Variants in CSTF3 observed in about 807,000 individuals in gnomAD.
CSTF3 encodes CF-1 77 kDa subunit.
CSTF3 carries 29 observed loss-of-function variants against 105.8 expected under a neutral mutation model. The ratio of observed to expected loss-of-function variants is 0.27; its 90% CI spans 0.20 to 0.37. The LOEUF (loss-of-function observed/expected upper bound fraction) is 0.37. Ranked by LOEUF, CSTF3 falls within the 10% of genes least tolerant of loss-of-function variation. CSTF3 has a pLI of 1.00. For missense variants in CSTF3, 357 were observed against 879.3 expected, an observed-to-expected ratio of 0.41 and a Z score of 7.51; for synonymous variants, 252 against 281.9, an observed-to-expected ratio of 0.89 and a Z score of 1.06.
intron 12 of CSTF3, 87 bp from the exon 13 acceptor site, chr11:33,098,851 C>A: frequency 8.0e-7 from 1 of 1,249,154 alleles, no homozygotes; most frequent in Non-Finnish European, 1.1e-6. Context: ...GCTATAACCT[C>A]CCACCCCCAA....
At chr11:33,115,154 T>C (rs747831442) in intron 3 of CSTF3, among the ~76,000 whole-genome samples, 3 of 152,196 alleles carry the variant, frequency 2.0e-5, no homozygotes, top group Non-Finnish European at 4.4e-5. Context: ...GTATAGCACA[T>C]AGACTTTCCT....
At chr11:33,086,333 C>T (rs1855104943) in intron 18 of CSTF3, among the ~76,000 whole-genome samples, 1 of 152,054 alleles carries the variant, frequency 6.6e-6, no homozygotes, top group Non-Finnish European at 1.5e-5. Flanking sequence ...GGGCCTTGTT[C>T]AAAAAGAATC....
At chr11:33,146,971 G>A (rs1855791820) in intron 1 of CSTF3, among the ~76,000 whole-genome samples, 1 of 151,992 alleles carries the variant, frequency 6.6e-6, no homozygotes, top group Non-Finnish European at 1.5e-5. Flanking sequence ...TTCAAGAGCA[G>A]CTGAGCAACA....
Position 33,099,842 on chromosome 11 carries a change from T to G in CSTF3, c.827-125A>C. 3 of 541,150 alleles carry G rather than the reference T, an allele frequency of 5.5e-6. No individual in the cohort carries two copies. The highest frequency in any genetic ancestry group is 6.2e-6 in the Non-Finnish European group (2 of 320,300). The allele number at this position is 541,150 out of a possible 1,614,324, so 33.5% of individuals were successfully genotyped here. A position where few individuals can be genotyped will look rare whatever the true frequency, so the allele number is the denominator to read the frequency against. The stretch of plus-strand genomic sequence containing the variant: ...AATGATAATTAGAAATAAAAAGCTT[T>G]AGTGATTTCTGGCACCATCATCCAT... On this transcript the variant is annotated intron_variant, in intron 10 of 20. Transcript: ENST00000323959. This position sits in a 1 kb window ranked among gnomAD's most constrained non-coding sequence, Gnocchi z 4.1.
intron 3 of CSTF3, among the ~76,000 whole-genome samples, chr11:33,131,175 T>A (rs1179430894): frequency 6.6e-6 from 1 of 152,230 alleles, no homozygotes; most frequent in East Asian, 1.9e-4. Context: ...TATGGAAGTA[T>A]GGAGAATAGC....
In CSTF3 at chr11:33,098,776, CAG is replaced by C; in HGVS notation, c.1054-14_1054-13del. 1 of 1,498,010 alleles carries C rather than the reference CAG, an allele frequency of 6.7e-7. No individual in the cohort carries two copies. The highest frequency in any genetic ancestry group is 8.9e-7 in the Non-Finnish European group (1 of 1,125,680). The allele number at this position is 1,498,010 out of a possible 1,614,324, so 92.8% of individuals were successfully genotyped here. Reference sequence around the variant, plus strand: ...TACTTCATGCGACTCTAAGGTGGTACAGAAGAAGTGAGTATCAACATATGGTC... The same window carrying C: ...TACTTCATGCGACTCTAAGGTGGTACAAGAAGTGAGTATCAACATATGGTC... On this transcript the variant is annotated splice_polypyrimidine_tract_variant and intron_variant, in intron 12 of 20. Transcript: ENST00000323959.
chr11:33,103,322 T>C, intron 8 of CSTF3, 138 bp from the exon 9 acceptor site: 1 of 449,264 alleles, frequency 2.2e-6, no homozygotes, highest in Non-Finnish European at 3.8e-6. Flanking sequence ...TTCATACAGC[T>C]CATGAAAAGC....
At chr11:33,119,825 T>A (rs1855469001) in intron 3 of CSTF3, among the ~76,000 whole-genome samples, 1 of 151,826 alleles carries the variant, frequency 6.6e-6, no homozygotes, top group Non-Finnish European at 1.5e-5. Flanking sequence ...ATATGGATAG[T>A]TTATTTCTAT....
chr11:33,111,986 G>A (rs1282739882), intron 3 of CSTF3, among the ~76,000 whole-genome samples: 1 of 152,158 alleles, frequency 6.6e-6, no homozygotes, highest in African/African-American at 2.4e-5. Context: ...AGGCACAGTG[G>A]CTCATGCCTG....
At chr11:33,159,370 C>A (rs952006704) in intron 1 of CSTF3, among the ~76,000 whole-genome samples, 2 of 151,764 alleles carry the variant, frequency 1.3e-5, no homozygotes, top group African/African-American at 4.8e-5. Flanking sequence ...CAGAGGTAGG[C>A]GGATCACTTG....
rs1855636949 is a variant in CSTF3, at chr11:33,134,892, T to A, written c.225+6775A>T. Among the ~76,000 whole-genome samples, 3 of 151,502 alleles carry A rather than the reference T, an allele frequency of 2.0e-5. No homozygotes were observed. The South Asian group carries it at 6.3e-4, about 32-fold the overall frequency. On this transcript the variant is annotated intron_variant, in intron 3 of 20. Coordinates refer to ENST00000323959, the MANE Select transcript of CSTF3 (RefSeq NM_001326.3). Reference sequence around the variant, plus strand: ...TCCCATTCCCCACCACCCAGAAGAATGAGAAGTACCAGCACAACACTCAAG... The same window carrying A: ...TCCCATTCCCCACCACCCAGAAGAAAGAGAAGTACCAGCACAACACTCAAG...
At chr11:33,156,214 G>C (rs1440262017) in intron 1 of CSTF3, among the ~76,000 whole-genome samples, 1 of 152,032 alleles carries the variant, frequency 6.6e-6, no homozygotes, top group Non-Finnish European at 1.5e-5. Flanking sequence ...AAAAATAGGA[G>C]GCAGAAAACT....
At chr11:33,154,717 A>C (rs1849837849) in intron 1 of CSTF3, among the ~76,000 whole-genome samples, 1 of 152,028 alleles carries the variant, frequency 6.6e-6, no homozygotes, top group South Asian at 2.1e-4. Context: ...GGCTGGTCTC[A>C]AACTCCTGAC....
chr11:33,135,428 C>G (rs920327629), intron 3 of CSTF3, among the ~76,000 whole-genome samples: 2 of 152,166 alleles, frequency 1.3e-5, no homozygotes, highest in African/African-American at 4.8e-5. Context: ...ATTCCCAAAA[C>G]TAGCTGCCAG....
intron 1 of CSTF3, among the ~76,000 whole-genome samples, chr11:33,147,530 G>A (rs1855799824): frequency 6.6e-6 from 1 of 151,794 alleles, no homozygotes; most frequent in Non-Finnish European, 1.5e-5. Context: ...AGGAGGCAGA[G>A]GCTGCAGTGA....
At chr11:33,156,950 AC>A in intron 1 of CSTF3, 1 of 272,088 alleles carries the variant, frequency 3.7e-6, no homozygotes, top group South Asian at 3.4e-5. Flanking sequence ...GAAGTTCAAA[AC>A]CCAATGGAAA....
At chr11:33,137,973 C>T (rs1590281749) in intron 3 of CSTF3, among the ~76,000 whole-genome samples, 1 of 151,640 alleles carries the variant, frequency 6.6e-6, no homozygotes, top group Admixed American at 6.6e-5. Flanking sequence ...ATGTTGCATC[C>T]TGAGTTCACT....
At chr11:33,136,171 A>G (rs1855651021) in intron 3 of CSTF3, 1 of 152,470 alleles carries the variant, frequency 6.6e-6, no homozygotes, top group Non-Finnish European at 1.5e-5. Context: ...AGTTGTATTC[A>G]AAGCAAATAT....
chr11:33,097,191 T>A (rs1276559018), intron 13 of CSTF3, among the ~76,000 whole-genome samples: 1 of 152,264 alleles, frequency 6.6e-6, no homozygotes, highest in African/African-American at 2.4e-5. Context: ...ATTCACCCTT[T>A]ACAATTCAGT....
Sources: allele counts gnomAD v4.1 joint callset (sites outside exome capture counted in the v4.1 genomes callset), GRCh38; gene constraint gnomAD v4.1.1; non-coding constraint Gnocchi (gnomAD v3.1); transcripts MANE v1.5; gene names NCBI Gene and HGNC (gene_info 2026-07-23, HGNC 2026-07-21).